Variants in WBP1L observed in about 807,000 individuals in gnomAD.
WBP1L encodes the protein WW domain binding protein 1-like.
WBP1L carries 17 observed loss-of-function variants against 33.7 expected under a neutral mutation model. That is an observed-to-expected ratio of 0.50 (90% CI 0.34 to 0.76). The LOEUF (loss-of-function observed/expected upper bound fraction) is 0.76. WBP1L is among the 30% of genes least tolerant of loss of function. The pLI, the probability that WBP1L is intolerant of heterozygous loss-of-function variation, is 0.01. For missense variants in WBP1L, 389 were observed against 469.4 expected (o/e 0.83, Z 1.58); for synonymous variants, 173 against 190.8 (o/e 0.91, Z 0.77).
intron 2 of WBP1L, among the ~76,000 whole-genome samples, chr10:102,799,833 G>A (rs150325825): frequency 9.9e-4 from 151 of 152,244 alleles, no homozygotes; most frequent in African/African-American, 3.5e-3. Context: ...AAGGAAATTA[G>A]ACTCTTGGCT....
intron 1 of WBP1L, among the ~76,000 whole-genome samples, chr10:102,747,234 C>T (rs1473243322): frequency 4.6e-5 from 7 of 152,038 alleles, no homozygotes; most frequent in African/African-American, 7.3e-5. Flanking sequence ...TGGTGGCACA[C>T]CTGTAGTCTC....
intron 1 of WBP1L, among the ~76,000 whole-genome samples, chr10:102,754,427 C>G (rs1475682283): frequency 6.6e-6 from 1 of 152,110 alleles, no homozygotes; most frequent in Non-Finnish European, 1.5e-5. Flanking sequence ...GAGATGAAGT[C>G]TTGCTCTGTT....
At chr10:102,784,069 G>A (rs1843374233) in intron 1 of WBP1L, among the ~76,000 whole-genome samples, 1 of 152,094 alleles carries the variant, frequency 6.6e-6, no homozygotes, top group Admixed American at 6.5e-5. Flanking sequence ...TTGTGGGCCA[G>A]TAGATATGAC....
At chr10:102,810,710 G>A (rs922125040) in intron 3 of WBP1L, among the ~76,000 whole-genome samples, 11 of 151,392 alleles carry the variant, frequency 7.3e-5, no homozygotes, top group Non-Finnish European at 7.4e-5. Context: ...GGGATTACAG[G>A]CATGCACCAC....
intron 2 of WBP1L, among the ~76,000 whole-genome samples, chr10:102,805,602 T>G (rs1843721230): frequency 6.6e-6 from 1 of 152,090 alleles, no homozygotes; most frequent in East Asian, 1.9e-4. Context: ...TTTTAAAATT[T>G]TAAAGTTTGG....
Position 102,743,986 on chromosome 10 carries a change from A to AGAGGAGGAGAGG in WBP1L, c.-58_-47dup, listed in dbSNP as rs1416694037. The stretch of plus-strand genomic sequence containing the variant: ...AGAAGGGAAGAAGGAAGAAGAGGGT[A>AGAGGAGGAGAGG]GAGGAGGAGAGGGAGGAGGAGGAGG... On this transcript the variant is annotated 5_prime_UTR_variant, in exon 1 of 4. Transcript: ENST00000448841. The AGAGGAGGAGAGG allele has an allele frequency of 3.7e-5, 41 of 1,113,306 alleles. No homozygotes were observed. Among genetic ancestry groups the AGAGGAGGAGAGG allele is most frequent in the Non-Finnish European group, 4.7e-5 (36 of 758,306 alleles). The allele number at this position is 1,113,306 out of a possible 1,614,324, so 69.0% of individuals were successfully genotyped here. A position where few individuals can be genotyped will look rare whatever the true frequency, so the allele number is the denominator to read the frequency against.
chr10:102,804,878 C>G (rs1339961005), intron 2 of WBP1L, among the ~76,000 whole-genome samples: 1 of 152,170 alleles, frequency 6.6e-6, no homozygotes, highest in African/African-American at 2.4e-5. Flanking sequence ...AAGTTCAAGC[C>G]TACCCACATG....
At chr10:102,788,001 C>A (rs1391313598) in intron 1 of WBP1L, among the ~76,000 whole-genome samples, 2 of 151,252 alleles carry the variant, frequency 1.3e-5, no homozygotes, top group Non-Finnish European at 3.0e-5. Context: ...ATCACTGGAA[C>A]CTGGGAGGTG....
chr10:102,812,882 A>G lies in WBP1L; in HGVS notation c.643A>G (p.Met215Val), dbSNP rs903218792. 7 of 1,574,754 alleles carry G rather than the reference A, an allele frequency of 4.4e-6. No individual in the cohort carries two copies. The highest frequency in any genetic ancestry group is 1.4e-5 in the African/African-American group (1 of 74,008). Residue 215 changes from methionine (M) to valine (V), a missense_variant, in exon 4 of 4, where the codon ATG (methionine) becomes GTG (valine). Met to Val is a conservative substitution (Grantham distance 21). Transcript: ENST00000448841. Reference protein sequence around the residue: ...VDRAATKAPGMEPSGSVAGLG... With the variant: ...VDRAATKAPGVEPSGSVAGLG... ...CCGAGCAGCCACCAAAGCCCCAGGGATGGAGCCCAGTGGCTCTGTGGCTGG... is the reference window on the plus strand; with the variant it reads ...CCGAGCAGCCACCAAAGCCCCAGGGGTGGAGCCCAGTGGCTCTGTGGCTGG...
rs192077885 is a variant in WBP1L at position 102,749,635 on chromosome 10, A to T, written c.90+5492A>T. Among the ~76,000 whole-genome samples, 999 of 147,362 alleles carry T rather than the reference A, an allele frequency of 6.8e-3. 7 individuals carry two copies. The highest frequency in any genetic ancestry group is 0.016 in the African/African-American group (640 of 39,724). ...GGCCTAATTTTTTTTAATTAAAAAA[A>T]TTTTTTTATAGAGCAGAAGTCTCAC... On this transcript the variant is annotated intron_variant, in intron 1 of 3. Coordinates refer to ENST00000448841, the MANE Select transcript of WBP1L (RefSeq NM_001083913.2).
Position 102,814,472 on chromosome 10 carries a change from G to A in WBP1L, c.*1141G>A, listed in dbSNP as rs1228114044. The A allele has an allele frequency of 6.8e-6, 1 of 146,884 alleles. No individual in the cohort carries two copies. Among genetic ancestry groups the A allele is most frequent in the East Asian group, 2.0e-4 (1 of 5,076 alleles). 9.1% of individuals were successfully genotyped at this position (146,884 alleles called of 1,614,324 possible). Reference sequence around the variant, plus strand: ...CACACAGTATTTTATCTTTGATTCTGAATAAATATTTTTTGTGGGGTTTTT... The same window carrying A: ...CACACAGTATTTTATCTTTGATTCTAAATAAATATTTTTTGTGGGGTTTTT... On this transcript the variant is annotated 3_prime_UTR_variant, in exon 4 of 4. Coordinates refer to ENST00000448841, the MANE Select transcript of WBP1L (RefSeq NM_001083913.2).
chr10:102,773,573 A>G (rs777553759), intron 1 of WBP1L, among the ~76,000 whole-genome samples: 1 of 151,970 alleles, frequency 6.6e-6, no homozygotes, highest in Admixed American at 6.6e-5. Flanking sequence ...CACTTCTGAG[A>G]TCATCACTGA....
At position 102,809,884 on chromosome 10, in the gene WBP1L, A is replaced by T; in HGVS notation, c.194-9A>T. The T allele has an allele frequency of 6.2e-7, 1 of 1,603,418 alleles. No homozygotes were observed. On this transcript the variant is annotated splice_polypyrimidine_tract_variant and intron_variant, in intron 2 of 3. Transcript: ENST00000448841. ...TGTGCCTCTCTGTCTTGCCTTGCCC[A>T]CCCCCCAGGGTTCTGGCTGGTGTGG...
At chr10:102,775,287 T>G (rs1315575974) in intron 1 of WBP1L, among the ~76,000 whole-genome samples, 11 of 152,168 alleles carry the variant, frequency 7.2e-5, no homozygotes, top group Admixed American at 7.2e-4. Flanking sequence ...TGTGACCTCC[T>G]GTTTCAGGGA....
intron 2 of WBP1L, among the ~76,000 whole-genome samples, chr10:102,804,205 A>G (rs900494398): frequency 2.0e-5 from 3 of 151,844 alleles, no homozygotes; most frequent in African/African-American, 7.3e-5. Context: ...CCTGGCCAAC[A>G]TGGTGAAATG....
rs574344668 is a variant in WBP1L at position 102,813,252 on chromosome 10, G to A, written c.1013G>A (p.Arg338Gln). Residue 338 changes from arginine (R) to glutamine (Q), a missense_variant, in exon 4 of 4, where the codon CGG becomes CAG. Coordinates refer to ENST00000448841, the MANE Select transcript of WBP1L (RefSeq NM_001083913.2). ...AREPGHPHLP[R>Q]PPACLLLNTI... Reference sequence around the variant, plus strand: ...GAGCCTGGGCACCCGCACCTGCCACGGCCGCCCGCATGCCTGCTGCTGAAC... The same window carrying A: ...GAGCCTGGGCACCCGCACCTGCCACAGCCGCCCGCATGCCTGCTGCTGAAC... 4.0e-5 allele frequency: 65 copies of A among 1,612,868 alleles called. No individual in the cohort carries two copies. The highest frequency in any genetic ancestry group is 6.7e-5 in the Admixed American group (4 of 59,990).
chr10:102,746,150 C>T (rs1041099041), intron 1 of WBP1L: 1 of 985,200 alleles, frequency 1.0e-6, no homozygotes, highest in African/African-American at 1.7e-5. Context: ...GTGGAGGTTC[C>T]TACCAGGTCG....
chr10:102,796,080 A>G (rs935593205), intron 1 of WBP1L, among the ~76,000 whole-genome samples: 19 of 152,020 alleles, frequency 1.2e-4, no homozygotes, highest in Admixed American at 3.3e-4. Context: ...ATACATGGCC[A>G]GTAGAAATCA....
intron 1 of WBP1L, among the ~76,000 whole-genome samples, chr10:102,745,372 T>C (rs1842853372): frequency 6.6e-6 from 1 of 152,210 alleles, no homozygotes; most frequent in Non-Finnish European, 1.5e-5. Flanking sequence ...ACACTTACAA[T>C]GTTGTGCAAC....
Sources: allele counts gnomAD v4.1 joint callset (sites outside exome capture counted in the v4.1 genomes callset), GRCh38; gene constraint gnomAD v4.1.1; transcripts MANE v1.5; gene names NCBI Gene and HGNC (gene_info 2026-07-23, HGNC 2026-07-21).